Variants in RNFT2 observed in about 807,000 individuals in gnomAD.
RNFT2 encodes the protein E3 ubiquitin-protein ligase RNFT2.
RNFT2 carries 36 observed loss-of-function variants against 53.0 expected under a neutral mutation model. The ratio of observed to expected loss-of-function variants is 0.68; its 90% confidence interval spans 0.52 to 0.90. The LOEUF is 0.90. RNFT2 is among the 40% of genes least tolerant of loss of function. The pLI is 0.00. For missense variants in RNFT2, 514 were observed against 585.6 expected, an observed-to-expected ratio of 0.88 and a Z score of 1.26; for synonymous variants, 260 against 253.2, an observed-to-expected ratio of 1.03 and a Z score of -0.26.
At chr12:116,759,884 C>T (rs1463745263) in intron 5 of RNFT2, among the ~76,000 whole-genome samples, 5 of 152,082 alleles carry the variant, frequency 3.3e-5, no homozygotes, top group African/African-American at 4.8e-5. Flanking sequence ...GCTGTGGTAG[C>T]GTGGCGAGGA....
At chr12:116,820,465 G>GT (rs1297085919) in intron 7 of RNFT2, among the ~76,000 whole-genome samples, 1 of 152,194 alleles carries the variant, frequency 6.6e-6, no homozygotes, top group Non-Finnish European at 1.5e-5. Flanking sequence ...GTGACCAGTG[G>GT]TTACTGGATT....
intron 7 of RNFT2, among the ~76,000 whole-genome samples, chr12:116,798,680 C>T (rs575593540): frequency 9.2e-5 from 14 of 152,180 alleles, no homozygotes; most frequent in Admixed American, 2.6e-4. Flanking sequence ...GTGATTCTCC[C>T]GCCTCAGCCT....
rs542202354 is a variant in RNFT2 at position 116,842,838 on chromosome 12, T to C, written c.1201-6476T>C. On this transcript the variant is annotated intron_variant, in intron 10 of 10. Transcript: ENST00000257575. ...ATCCACCCACCTTGGCTTCCCAAAG[T>C]TTTGGAATTACAGGTGTGAGCCACT... 5.9e-5 allele frequency among the ~76,000 whole-genome samples: 9 copies of C among 152,254 alleles called. No individual in the cohort carries two copies. In the South Asian group the frequency reaches 1.9e-3, roughly 32 times the overall value.
At chr12:116,838,374 C>T (rs186098907) in intron 10 of RNFT2, among the ~76,000 whole-genome samples, 11 of 152,292 alleles carry the variant, frequency 7.2e-5, no homozygotes, top group Middle Eastern at 3.4e-3. Flanking sequence ...GGCATGCATC[C>T]CATTTCACAC....
At position 116,761,761 on chromosome 12, in the gene RNFT2, C is replaced by T. The variant is rs539957760; in HGVS notation, c.628-5053C>T. ...TGATTTGCACCTGGGTAGTTGAGCC[C>T]GTGCTCATTCCAGGTTCAAATCCCT... On this transcript the variant is annotated intron_variant, in intron 5 of 10. Coordinates refer to ENST00000257575, the MANE Select transcript of RNFT2 (RefSeq NM_001382266.1). Among the ~76,000 whole-genome samples the T allele has an allele frequency of 1.6e-4, 24 of 152,272 alleles. No individual in the cohort carries two copies. The East Asian group carries it at 3.7e-3, about 23-fold the overall frequency.
At chr12:116,830,229 G>T (rs1223117049) in intron 7 of RNFT2, among the ~76,000 whole-genome samples, 1 of 152,028 alleles carries the variant, frequency 6.6e-6, no homozygotes, top group Non-Finnish European at 1.5e-5. Flanking sequence ...CTAACCTAAA[G>T]ACCTCATTCA....
chr12:116,764,407 C>T (rs1295154216), intron 5 of RNFT2, among the ~76,000 whole-genome samples: 2 of 152,156 alleles, frequency 1.3e-5, no homozygotes, highest in Admixed American at 6.5e-5. Flanking sequence ...TAATAATCAC[C>T]AGCTTCACTG....
At chr12:116,849,251 T>C (rs1592996331) in intron 10 of RNFT2, 63 bp from the exon 11 acceptor site, 2 of 1,388,132 alleles carry the variant, frequency 1.4e-6, no homozygotes, top group East Asian at 2.5e-5. Flanking sequence ...CTTCTCCTGC[T>C]CCCGAGACCG....
chr12:116,841,964 G>T (rs79113899), intron 10 of RNFT2, among the ~76,000 whole-genome samples: 377 of 9,488 alleles, frequency 0.04, 14 homozygotes, highest in Non-Finnish European at 0.1. Context: ...TATATAGAGA[G>T]AGAGAGAGAG....
At chr12:116,757,535 C>T (rs935833401) in intron 5 of RNFT2, among the ~76,000 whole-genome samples, 1 of 152,098 alleles carries the variant, frequency 6.6e-6, no homozygotes, top group Non-Finnish European at 1.5e-5. Flanking sequence ...TATTGTCATT[C>T]AGTTTGAAGA....
chr12:116,777,444 C>T (rs1873486734), intron 6 of RNFT2, among the ~76,000 whole-genome samples: 1 of 152,140 alleles, frequency 6.6e-6, no homozygotes, highest in African/African-American at 2.4e-5. Context: ...TGTCTGTCTC[C>T]AGTGAGTTAA....
At chr12:116,781,918 A>C (rs1162424754) in intron 7 of RNFT2, among the ~76,000 whole-genome samples, 1 of 151,804 alleles carries the variant, frequency 6.6e-6, no homozygotes, top group East Asian at 1.9e-4. Context: ...CTCTACTAAA[A>C]ATACAAAAAA....
intron 10 of RNFT2, among the ~76,000 whole-genome samples, chr12:116,842,770 C>T (rs182259920): frequency 1.3e-3 from 198 of 152,234 alleles, no homozygotes; most frequent in African/African-American, 4.5e-3. Flanking sequence ...GACGGGGTTT[C>T]GCCATGTTAG....
chr12:116,766,765 T>A lies in RNFT2; in HGVS notation c.628-49T>A, dbSNP rs535840346. Reference sequence around the variant, plus strand: ...AGTCATCAGGGTACATTCTGGAAGGTTCTGCCACATGCACCTTTGATATCA... The same window carrying A: ...AGTCATCAGGGTACATTCTGGAAGGATCTGCCACATGCACCTTTGATATCA... On this transcript the variant is annotated intron_variant, in intron 5 of 10. Transcript: ENST00000257575. 4 of 1,405,526 alleles carry A rather than the reference T, an allele frequency of 2.8e-6. No homozygotes were observed. The South Asian group carries it at 3.7e-5, about 13-fold the overall frequency. 87.1% of individuals were successfully genotyped at this position (1,405,526 alleles called of 1,614,324 possible).
At chr12:116,813,942 A>G (rs1053094043) in intron 7 of RNFT2, among the ~76,000 whole-genome samples, 1 of 152,222 alleles carries the variant, frequency 6.6e-6, no homozygotes, top group African/African-American at 2.4e-5. Context: ...TGAAGATTAA[A>G]CAGGACCATA....
rs1333191452 is a variant in RNFT2, at chr12:116,752,997, C to T, written c.551-987C>T. ...AAGATTGTAGCTTGGCAAACAGTGG[C>T]AATGAAATGACTGGTGGAAGAAAAT... On this transcript the variant is annotated intron_variant, in intron 4 of 10. Coordinates refer to ENST00000257575, the MANE Select transcript of RNFT2 (RefSeq NM_001382266.1). 3.9e-5 allele frequency among the ~76,000 whole-genome samples: 6 copies of T among 152,194 alleles called. 1 individual carries two copies. The South Asian group carries it at 1.2e-3, about 31-fold the overall frequency.
chr12:116,785,019 G>A (rs1238529497), intron 7 of RNFT2, among the ~76,000 whole-genome samples: 1 of 152,102 alleles, frequency 6.6e-6, no homozygotes, highest in Non-Finnish European at 1.5e-5. Flanking sequence ...AGGCTACAAA[G>A]CCTACCCAGC....
intron 5 of RNFT2, chr12:116,755,339 C>A (rs971834134): frequency 1.4e-4 from 97 of 716,492 alleles, no homozygotes; most frequent in Non-Finnish European, 1.2e-4. Context: ...GGTCTATGTC[C>A]CTATTTTTTT....
At chr12:116,740,267 A>G (rs35874913) in intron 1 of RNFT2, 78 bp from the exon 2 acceptor site, 12 of 505,932 alleles carry the variant, frequency 2.4e-5, no homozygotes, top group Non-Finnish European at 4.3e-5. Context: ...GCTTATAGCT[A>G]CCAACAATGT....
Sources: allele counts gnomAD v4.1 joint callset (sites outside exome capture counted in the v4.1 genomes callset), GRCh38; gene constraint gnomAD v4.1.1; transcripts MANE v1.5; gene names NCBI Gene and HGNC (gene_info 2026-07-23, HGNC 2026-07-21).